LHFPL3: variants seen among roughly 807,000 people sequenced by gnomAD.
LHFPL3 encodes the protein LHFPL tetraspan subfamily member 3.
A neutral mutation model predicts 19.3 loss-of-function variants in LHFPL3; 5 were observed. The observed-to-expected ratio is 0.26, with a 90% confidence interval of 0.14 to 0.54. The LOEUF (loss-of-function observed/expected upper bound fraction) is 0.54, where lower values mean the gene tolerates loss of function less well. LHFPL3 is among the 20% of genes least tolerant of loss of function. LHFPL3 has a pLI of 0.94. For synonymous variants in LHFPL3, 133 were observed against 126.2 expected, an observed-to-expected ratio of 1.05 and a Z score of -0.36; for missense variants, 249 against 307.4, an observed-to-expected ratio of 0.81 and a Z score of 1.42.
At chr7:104,691,582 G>T (rs534794988) in intron 1 of LHFPL3, among the ~76,000 whole-genome samples, 13 of 152,358 alleles carry the variant, frequency 8.5e-5, no homozygotes, top group African/African-American at 3.1e-4. Flanking sequence ...GGCCAGATGT[G>T]TGATTATGTA....
intron 1 of LHFPL3, among the ~76,000 whole-genome samples, chr7:104,577,626 G>T (rs965384988): frequency 1.8e-4 from 28 of 152,188 alleles, no homozygotes; most frequent in African/African-American, 6.5e-4. Context: ...CCTAAAGATT[G>T]TTTCCCCTAG....
chr7:104,337,613 G>A (rs553201267), intron 1 of LHFPL3, among the ~76,000 whole-genome samples: 39 of 152,202 alleles, frequency 2.6e-4, no homozygotes, highest in South Asian at 2.5e-3. Flanking sequence ...TTGACGAAAA[G>A]CATTTCTAAT....
chr7:104,850,210 G>A (rs1481856305), intron 2 of LHFPL3, among the ~76,000 whole-genome samples: 1 of 152,228 alleles, frequency 6.6e-6, no homozygotes, highest in African/African-American at 2.4e-5. Context: ...GCTGAGGCAG[G>A]AGAATCACTT....
At chr7:104,450,178 A>G (rs1792406282) in intron 1 of LHFPL3, among the ~76,000 whole-genome samples, 1 of 152,156 alleles carries the variant, frequency 6.6e-6, no homozygotes, top group African/African-American at 2.4e-5. Flanking sequence ...AGAAATCTAG[A>G]GACTAGGAAG....
At chr7:104,707,657 T>C (rs906065170) in intron 1 of LHFPL3, among the ~76,000 whole-genome samples, 2 of 152,100 alleles carry the variant, frequency 1.3e-5, no homozygotes, top group African/African-American at 2.4e-5. Flanking sequence ...CCTAGTAGTG[T>C]TTTTTTGTGT....
At chr7:104,622,006 C>T (rs1160913947) in intron 1 of LHFPL3, among the ~76,000 whole-genome samples, 1 of 152,098 alleles carries the variant, frequency 6.6e-6, no homozygotes, top group African/African-American at 2.4e-5. Context: ...AATTAAATAC[C>T]CCTGATTTCT....
At chr7:104,575,502 G>A (rs36115761) in intron 1 of LHFPL3, among the ~76,000 whole-genome samples, 27,760 of 142,518 alleles carry the variant, frequency 0.19, 2,982 homozygotes, top group Non-Finnish European at 0.24. Flanking sequence ...TGGCAAATAG[G>A]CCTATTTTTA....
At chr7:104,522,234 G>A (rs1012547550) in intron 1 of LHFPL3, among the ~76,000 whole-genome samples, 1 of 152,092 alleles carries the variant, frequency 6.6e-6, no homozygotes, top group Non-Finnish European at 1.5e-5. Context: ...CATGTCCTTT[G>A]TAGGGACATG....
intron 2 of LHFPL3, among the ~76,000 whole-genome samples, chr7:104,757,207 G>C (rs780344475): frequency 4.6e-5 from 7 of 152,108 alleles, no homozygotes; most frequent in Non-Finnish European, 1.0e-4. Context: ...AAAAATTAAT[G>C]CAAGGTGGAT....
At chr7:104,669,541 G>A (rs1477076857) in intron 1 of LHFPL3, 67 of 1,611,624 alleles carry the variant, frequency 4.2e-5, no homozygotes, top group Non-Finnish European at 5.4e-5. Flanking sequence ...TGTTGATGGT[G>A]AAGATGAAAA....
At chr7:104,499,334 AT>A (rs1190798808) in intron 1 of LHFPL3, among the ~76,000 whole-genome samples, 1 of 152,218 alleles carries the variant, frequency 6.6e-6, no homozygotes, top group African/African-American at 2.4e-5. Flanking sequence ...AAAATGATTG[AT>A]GTCAATGTGC....
Position 104,614,763 on chromosome 7 carries a change from CTTTT to C in LHFPL3, c.446-121910_446-121907del, listed in dbSNP as rs1791300780. 3.8e-5 allele frequency among the ~76,000 whole-genome samples: 5 copies of C among 130,334 alleles called. No individual in the cohort carries two copies. In the South Asian group the frequency reaches 1.3e-3, roughly 33 times the overall value. 85.5% of individuals were successfully genotyped at this position (130,334 alleles called of 152,430 possible). A position where few individuals can be genotyped will look rare whatever the true frequency, so the allele number is the denominator to read the frequency against. On this transcript the variant is annotated intron_variant, in intron 1 of 2. Coordinates refer to ENST00000424859, the MANE Select transcript of LHFPL3 (RefSeq NM_199000.3). Reference sequence around the variant, plus strand: ...TCTCTTTCTCTCTTTTCTTTTCTTTCTTTTTGAGATAGGGTCTCACTTTGTCACC... The same window carrying C: ...TCTCTTTCTCTCTTTTCTTTTCTTTCTGAGATAGGGTCTCACTTTGTCACC...
chr7:104,480,058 AT>A, intron 1 of LHFPL3, among the ~76,000 whole-genome samples: 1 of 152,326 alleles, frequency 6.6e-6, no homozygotes, highest in African/African-American at 2.4e-5. Flanking sequence ...CAGATCAGAC[AT>A]CTGGAATCAT....
chr7:104,462,016 T>C (rs1792674219), intron 1 of LHFPL3, among the ~76,000 whole-genome samples: 1 of 152,092 alleles, frequency 6.6e-6, no homozygotes, highest in African/African-American at 2.4e-5. Flanking sequence ...TCATGGCAAT[T>C]GTGAATTCCT....
intron 1 of LHFPL3, among the ~76,000 whole-genome samples, chr7:104,544,121 C>T (rs1794538519): frequency 6.6e-6 from 1 of 151,230 alleles, no homozygotes; most frequent in African/African-American, 2.4e-5. Context: ...ATTATTCTAA[C>T]TAACCTAGGT....
At chr7:104,393,451 C>T (rs1309699891) in intron 1 of LHFPL3, among the ~76,000 whole-genome samples, 12 of 151,836 alleles carry the variant, frequency 7.9e-5, no homozygotes, top group Non-Finnish European at 1.8e-4. Context: ...GGCATGGTGG[C>T]TCATGCCTGT....
chr7:104,664,624 T>C (rs1038126021), intron 1 of LHFPL3, among the ~76,000 whole-genome samples: 2 of 152,204 alleles, frequency 1.3e-5, no homozygotes, highest in East Asian at 1.9e-4. Context: ...TAGCACAGCA[T>C]AGATAATGAC....
intron 2 of LHFPL3, among the ~76,000 whole-genome samples, chr7:104,842,938 GTT>G: frequency 4.6e-5 from 7 of 152,310 alleles, no homozygotes; most frequent in Admixed American, 6.5e-5. Flanking sequence ...TCAAAAAGTT[GTT>G]GAACAGATCA....
At chr7:104,741,963 C>T (rs899974880) in intron 2 of LHFPL3, among the ~76,000 whole-genome samples, 1 of 152,116 alleles carries the variant, frequency 6.6e-6, no homozygotes, top group African/African-American at 2.4e-5. Context: ...CATGGACAGG[C>T]AGGTATTGTT....
Sources: gnomAD v4.1 joint callset for allele counts (sites outside exome capture counted in the v4.1 genomes callset) on GRCh38, gnomAD v4.1.1 for gene constraint, MANE v1.5 for transcripts, NCBI Gene and HGNC (gene_info 2026-07-23, HGNC 2026-07-21) for gene names.